The following RANBP2 variants were observed in gnomAD, a reference collection of about 807,000 sequenced individuals.
RANBP2 encodes the protein E3 SUMO-protein ligase RanBP2.
In RANBP2, 57 loss-of-function variants were observed where a neutral mutation model predicts 303.6. That is an observed-to-expected ratio of 0.19 (90% CI 0.15 to 0.23). The LOEUF (loss-of-function observed/expected upper bound fraction) is 0.23, where lower values mean the gene tolerates loss of function less well. Ranked by LOEUF, RANBP2 falls within the 10% of genes least tolerant of loss-of-function variation. The pLI is 1.00. For missense variants in RANBP2, 3,138 were observed against 3,780.8 expected, an observed-to-expected ratio of 0.83 and a Z score of 4.46; for synonymous variants, 1,167 against 1,301.5, an observed-to-expected ratio of 0.90 and a Z score of 2.23.
the RANBP2 span, among the ~76,000 whole-genome samples, chr2:109,660,012 G>C: frequency 6.6e-6 from 1 of 152,318 alleles, no homozygotes; most frequent in African/African-American, 2.4e-5. Flanking sequence ...TGAGGCAGGA[G>C]AATAAGGCCT....
chr2:109,211,678 T>C, the RANBP2 span, among the ~76,000 whole-genome samples: 1 of 148,796 alleles, frequency 6.7e-6, no homozygotes, highest in Admixed American at 6.8e-5. Context: ...GGAGTCTCGC[T>C]CTGTCACCCA....
the RANBP2 span, among the ~76,000 whole-genome samples, chr2:109,349,587 C>A: frequency 2.0e-5 from 3 of 152,308 alleles, no homozygotes; most frequent in East Asian, 5.8e-4. Flanking sequence ...TCTCAGGGTC[C>A]GGTCAGGGCC....
chr2:109,269,107 G>A, the RANBP2 span, among the ~76,000 whole-genome samples: 2 of 152,196 alleles, frequency 1.3e-5, no homozygotes, highest in South Asian at 2.1e-4. Context: ...AGGGCCGCAC[G>A]TGGATTTTGT....
the RANBP2 span, among the ~76,000 whole-genome samples, chr2:109,509,520 T>C: frequency 6.6e-6 from 1 of 152,068 alleles, no homozygotes; most frequent in African/African-American, 2.4e-5. Flanking sequence ...TTGCCCGGAT[T>C]CATCTCTGTG....
the RANBP2 span, chr2:108,930,070 G>A: frequency 6.3e-7 from 1 of 1,582,674 alleles, no homozygotes; most frequent in Non-Finnish European, 8.6e-7. Flanking sequence ...GCCACAAGCA[G>A]GAGGCCTCCC....
chr2:109,711,710 C>A, the RANBP2 span, among the ~76,000 whole-genome samples: 1 of 152,172 alleles, frequency 6.6e-6, no homozygotes, highest in African/African-American at 2.4e-5. Flanking sequence ...CCTGGAGACC[C>A]CTCAGCCTGC....
At chr2:108,833,726 C>CTT in the RANBP2 span, among the ~76,000 whole-genome samples, 2 of 91,024 alleles carry the variant, frequency 2.2e-5, no homozygotes, top group African/African-American at 8.2e-5. Flanking sequence ...GTGGAGTAAA[C>CTT]TTTTTTTTTT....
chr2:109,289,832 CT>C, the RANBP2 span, among the ~76,000 whole-genome samples: 1 of 152,138 alleles, frequency 6.6e-6, no homozygotes, highest in African/African-American at 2.4e-5. Flanking sequence ...AATCAACTAA[CT>C]TTCTCAGATC....
At chr2:108,977,487 G>T in the RANBP2 span, among the ~76,000 whole-genome samples, 1 of 152,116 alleles carries the variant, frequency 6.6e-6, no homozygotes, top group African/African-American at 2.4e-5. Context: ...CGCCAGGATG[G>T]TCTCGATCTC....
intron 18 of RANBP2, among the ~76,000 whole-genome samples, chr2:108,761,562 G>A (rs1330971721): frequency 6.6e-6 from 1 of 152,110 alleles, no homozygotes; most frequent in Non-Finnish European, 1.5e-5. Context: ...GTGTTGATGT[G>A]CTTTTTATTT....
chr2:108,886,900 A>G, the RANBP2 span, among the ~76,000 whole-genome samples: 1 of 152,238 alleles, frequency 6.6e-6, no homozygotes, highest in African/African-American at 2.4e-5. Flanking sequence ...TTAGTTTATT[A>G]TAATCCTATT....
At chr2:108,721,877 G>C (rs553626498) in intron 1 of RANBP2, among the ~76,000 whole-genome samples, 2 of 152,034 alleles carry the variant, frequency 1.3e-5, no homozygotes, top group Admixed American at 1.3e-4. Context: ...GGGTAGCTGA[G>C]ACTACAGGCA....
chr2:109,416,537 A>C, the RANBP2 span, among the ~76,000 whole-genome samples: 51 of 152,228 alleles, frequency 3.4e-4, no homozygotes, highest in African/African-American at 1.1e-3. Flanking sequence ...GGCGTGCGCC[A>C]TCATGCCTGG....
the RANBP2 span, among the ~76,000 whole-genome samples, chr2:109,114,479 T>C: frequency 1.3e-5 from 2 of 151,968 alleles, no homozygotes; most frequent in Non-Finnish European, 2.9e-5. Flanking sequence ...GGTGGTGATA[T>C]CCCCTTTATC....
chr2:109,346,965 C>G, the RANBP2 span, among the ~76,000 whole-genome samples: 1 of 152,102 alleles, frequency 6.6e-6, no homozygotes, highest in Non-Finnish European at 1.5e-5. Flanking sequence ...TGTTAGAACC[C>G]CTGCTCCTGG....
the RANBP2 span, among the ~76,000 whole-genome samples, chr2:108,843,844 T>TGTGTGTGTGTG: frequency 2.2e-4 from 5 of 22,838 alleles, no homozygotes; most frequent in Admixed American, 1.8e-3. Flanking sequence ...AGTTCATGTT[T>TGTGTGTGTGTG]TGTGTGTGTG....
the RANBP2 span, among the ~76,000 whole-genome samples, chr2:109,299,176 T>G: frequency 6.6e-6 from 1 of 152,204 alleles, no homozygotes; most frequent in East Asian, 1.9e-4. Flanking sequence ...TCACGGGGCC[T>G]CCTCTGACCA....
chr2:108,929,050 C>T, the RANBP2 span: 2 of 923,156 alleles, frequency 2.2e-6, no homozygotes, highest in Admixed American at 2.0e-5. Context: ...CTGGATGCTG[C>T]TCCTTGTGGG....
chr2:108,819,844 C>T, the RANBP2 span, among the ~76,000 whole-genome samples: 1 of 144,208 alleles, frequency 6.9e-6, no homozygotes, highest in Admixed American at 7.4e-5. Context: ...TTCAGAAACT[C>T]ACCCTAAAGA....
Sources: gnomAD v4.1 joint callset for allele counts (sites outside exome capture counted in the v4.1 genomes callset) on GRCh38, gnomAD v4.1.1 for gene constraint, MANE v1.5 for transcripts, NCBI Gene and HGNC (gene_info 2026-07-23, HGNC 2026-07-21) for gene names.